The following CNTNAP4 variants were observed in gnomAD, a reference collection of about 807,000 sequenced individuals.
CNTNAP4 encodes the protein contactin-associated protein-like 4.
In CNTNAP4, 98 loss-of-function variants were observed where a neutral mutation model predicts 148.4. That is an observed-to-expected ratio of 0.66 (90% CI 0.56 to 0.78). CNTNAP4 has a LOEUF of 0.78. CNTNAP4 is among the 30% of genes least tolerant of loss of function. The probability of loss-of-function intolerance (pLI) is 0.00; values close to 1 mark genes in which losing one functional copy is unlikely to be tolerated. For synonymous variants in CNTNAP4, 730 were observed against 565.1 expected (o/e 1.29, Z -4.14); for missense variants, 1,935 against 1,565.6 (o/e 1.24, Z -3.98).
At chr16:76,361,361 T>C (rs1244738395) in intron 3 of CNTNAP4, among the ~76,000 whole-genome samples, 1 of 152,180 alleles carries the variant, frequency 6.6e-6, no homozygotes, top group Non-Finnish European at 1.5e-5. Flanking sequence ...ATTTGACTAT[T>C]TTAGATACAT....
At chr16:76,543,476 G>A (rs1347188488) in intron 21 of CNTNAP4, among the ~76,000 whole-genome samples, 1 of 152,204 alleles carries the variant, frequency 6.6e-6, no homozygotes, top group East Asian at 1.9e-4. Context: ...AGCATATGAG[G>A]ATTTTATTAA....
intron 10 of CNTNAP4, among the ~76,000 whole-genome samples, chr16:76,470,859 C>T (rs902546445): frequency 2.0e-5 from 3 of 152,108 alleles, no homozygotes; most frequent in Admixed American, 6.5e-5. Flanking sequence ...CACACATGCA[C>T]CAATGTGGCC....
chr16:76,279,404 A>T (rs1439219551), intron 1 of CNTNAP4, among the ~76,000 whole-genome samples: 1 of 152,212 alleles, frequency 6.6e-6, no homozygotes, highest in Non-Finnish European at 1.5e-5. Flanking sequence ...TAAAAAGTGT[A>T]GGGTGTACAT....
chr16:76,298,517 TGTGTGTGTGTGTGA>T (rs1342074221), intron 1 of CNTNAP4, among the ~76,000 whole-genome samples: 15 of 149,758 alleles, frequency 1.0e-4, no homozygotes, highest in South Asian at 8.5e-4. Flanking sequence ...TGTGTGTGTG[TGTGTGTGTGTGTGA>T]GGTAAGGGGC....
intron 13 of CNTNAP4, among the ~76,000 whole-genome samples, chr16:76,490,108 C>T (rs1438003437): frequency 6.6e-6 from 1 of 152,192 alleles, no homozygotes; most frequent in Non-Finnish European, 1.5e-5. Flanking sequence ...GCCTTGATTG[C>T]TTTTAAACTC....
At chr16:76,387,807 A>G (rs1439539809) in intron 3 of CNTNAP4, among the ~76,000 whole-genome samples, 4 of 152,206 alleles carry the variant, frequency 2.6e-5, no homozygotes, top group Non-Finnish European at 5.9e-5. Flanking sequence ...GATATAGAAT[A>G]CTTATTTTAC....
At chr16:76,348,418 G>A (rs1965093120) in intron 2 of CNTNAP4, among the ~76,000 whole-genome samples, 1 of 152,064 alleles carries the variant, frequency 6.6e-6, no homozygotes, top group Admixed American at 6.6e-5. Context: ...AATTCATCAG[G>A]CTAAGAGAGA....
At chr16:76,532,764 C>T (rs114252428) in intron 17 of CNTNAP4, among the ~76,000 whole-genome samples, 2,289 of 152,120 alleles carry the variant, frequency 0.015, 60 homozygotes, top group African/African-American at 0.052. Context: ...CCAACAAGGA[C>T]GCCAAAAGAA....
At chr16:76,384,710 C>G (rs147796361) in intron 3 of CNTNAP4, among the ~76,000 whole-genome samples, 166 of 152,212 alleles carry the variant, frequency 1.1e-3, no homozygotes, top group African/African-American at 3.8e-3. Context: ...TCATCATGAC[C>G]TCGAAATCAC....
chr16:76,341,149 G>T (rs905007175), intron 2 of CNTNAP4, among the ~76,000 whole-genome samples: 1 of 152,142 alleles, frequency 6.6e-6, no homozygotes, highest in Non-Finnish European at 1.5e-5. Context: ...TAGTCCTTCA[G>T]TATAAGTGTA....
At position 76,551,497 on chromosome 16, in the gene CNTNAP4, G is replaced by A. The variant is rs186039161; in HGVS notation, c.3443-1786G>A. 1.9e-3 allele frequency among the ~76,000 whole-genome samples: 294 copies of A among 151,700 alleles called. 1 individual carries two copies. The highest frequency in any genetic ancestry group is 6.0e-3 in the African/African-American group (247 of 41,426). Reference sequence around the variant, plus strand: ...TGATTTAAAAAATAAATAAATAAAAGCCACTACAGAGACTGAAAGCAGAGT... The same window carrying A: ...TGATTTAAAAAATAAATAAATAAAAACCACTACAGAGACTGAAAGCAGAGT... On this transcript the variant is annotated intron_variant, in intron 21 of 23. Coordinates refer to ENST00000611870, the MANE Select transcript of CNTNAP4 (RefSeq NM_033401.5).
intron 4 of CNTNAP4, among the ~76,000 whole-genome samples, chr16:76,431,438 G>A (rs558627490): frequency 6.6e-6 from 1 of 152,232 alleles, no homozygotes; most frequent in South Asian, 2.1e-4. Context: ...CCAGGACTTT[G>A]GAAGGTGGAG....
In CNTNAP4 at chr16:76,548,290, T is replaced by C. The variant is rs1022031835; in HGVS notation, c.3443-4993T>C. ...TCCAACCCTGGCTCTCTTGATTCAC[T>C]GCACCTTTTTTTTTTTTTTTTTTTT... On this transcript the variant is annotated intron_variant, in intron 21 of 23. Transcript: ENST00000611870. Among the ~76,000 whole-genome samples, 3 of 142,552 alleles carry C rather than the reference T, an allele frequency of 2.1e-5. No homozygotes were observed. The East Asian group carries it at 6.8e-4, about 33-fold the overall frequency. 93.5% of individuals were successfully genotyped at this position (142,552 alleles called of 152,430 possible).
At chr16:76,340,810 C>T (rs1337104813) in intron 2 of CNTNAP4, among the ~76,000 whole-genome samples, 1 of 152,186 alleles carries the variant, frequency 6.6e-6, no homozygotes, top group Non-Finnish European at 1.5e-5. Flanking sequence ...CAAGATTACT[C>T]TTTTTCTCTC....
At chr16:76,349,521 A>C (rs1965196478) in intron 2 of CNTNAP4, among the ~76,000 whole-genome samples, 1 of 152,202 alleles carries the variant, frequency 6.6e-6, no homozygotes, top group Non-Finnish European at 1.5e-5. Flanking sequence ...ACACCATTTA[A>C]GGGAGCCAAA....
chr16:76,475,152 G>T (rs1429439585), intron 10 of CNTNAP4, among the ~76,000 whole-genome samples: 1 of 151,416 alleles, frequency 6.6e-6, no homozygotes, highest in Non-Finnish European at 1.5e-5. Context: ...ACACCAACTG[G>T]GGCAACAGAG....
intron 1 of CNTNAP4, among the ~76,000 whole-genome samples, chr16:76,300,300 A>G (rs544364704): frequency 1.3e-5 from 2 of 152,228 alleles, no homozygotes; most frequent in African/African-American, 4.8e-5. Context: ...ACATAGCACA[A>G]TGTCCTCAAA....
chr16:76,357,932 C>T (rs2012900216), intron 3 of CNTNAP4, among the ~76,000 whole-genome samples: 1 of 152,140 alleles, frequency 6.6e-6, no homozygotes, highest in Non-Finnish European at 1.5e-5. Context: ...ACTTTTGCTG[C>T]TTAAATAGGT....
chr16:76,420,209 T>C lies in CNTNAP4; in HGVS notation c.391-7243T>C, dbSNP rs557682231. 1.0e-4 allele frequency among the ~76,000 whole-genome samples: 15 copies of C among 150,514 alleles called. 1 individual carries two copies. The South Asian group carries it at 3.2e-3, about 32-fold the overall frequency. ...CTAACAGAATAATATGTATATTCTG[T>C]AGAATATATATTAGAATAATGTATA... On this transcript the variant is annotated intron_variant, in intron 3 of 23. Coordinates refer to ENST00000611870, the MANE Select transcript of CNTNAP4 (RefSeq NM_033401.5).
Sources: allele counts gnomAD v4.1 joint callset (sites outside exome capture counted in the v4.1 genomes callset), GRCh38; gene constraint gnomAD v4.1.1; transcripts MANE v1.5; gene names NCBI Gene and HGNC (gene_info 2026-07-23, HGNC 2026-07-21).